Variants in RNF145 observed in about 807,000 individuals in gnomAD.
The protein encoded by RNF145 is ring finger protein 145.
RNF145 carries 12 observed loss-of-function variants against 57.3 expected under a neutral mutation model. That is an observed-to-expected ratio of 0.21 (90% CI 0.13 to 0.34). RNF145 has a LOEUF of 0.34. Among genes scored for constraint, RNF145 ranks in the 10% least tolerant of loss-of-function variants. The pLI is 1.00. For synonymous variants in RNF145, 262 were observed against 288.3 expected, an observed-to-expected ratio of 0.91 and a Z score of 0.92; for missense variants, 429 against 799.0, an observed-to-expected ratio of 0.54 and a Z score of 5.58.
intron 4 of RNF145, among the ~76,000 whole-genome samples, chr5:159,179,794 A>G (rs549157029): frequency 6.6e-6 from 1 of 152,192 alleles, no homozygotes; most frequent in South Asian, 2.1e-4. Context: ...TCCACTCTGT[A>G]GAGATTAGTG....
At chr5:159,175,814 C>T (rs1784703666) in intron 5 of RNF145, among the ~76,000 whole-genome samples, 1 of 152,194 alleles carries the variant, frequency 6.6e-6, no homozygotes, top group African/African-American at 2.4e-5. Flanking sequence ...TTTGTTCTAT[C>T]TGAGAGCTTC....
intron 9 of RNF145, 80 bp downstream of exon 9, chr5:159,162,852 T>C (rs1784275398): frequency 1.7e-5 from 19 of 1,134,624 alleles, no homozygotes; most frequent in Admixed American, 5.2e-5. Context: ...ATCATTCATC[T>C]TGAAAAAATT....
At chr5:159,205,421 T>G (rs1254039963) in intron 1 of RNF145, among the ~76,000 whole-genome samples, 1 of 152,168 alleles carries the variant, frequency 6.6e-6, no homozygotes, top group Non-Finnish European at 1.5e-5. Context: ...GCCCATGATA[T>G]TATTATTTTT....
At chr5:159,200,021 G>C (rs1785607541) in intron 2 of RNF145, among the ~76,000 whole-genome samples, 1 of 152,036 alleles carries the variant, frequency 6.6e-6, no homozygotes, top group Non-Finnish European at 1.5e-5. Flanking sequence ...CAATAAAAAA[G>C]ATAAAATACC....
At chr5:159,159,476 A>C (rs752354650) in intron 10 of RNF145, among the ~76,000 whole-genome samples, 39 of 152,248 alleles carry the variant, frequency 2.6e-4, no homozygotes, top group Non-Finnish European at 4.8e-4. Context: ...TTATTGGCAA[A>C]GAGACAAAAT....
chr5:159,191,387 C>A (rs1785284605), intron 3 of RNF145, among the ~76,000 whole-genome samples: 1 of 152,054 alleles, frequency 6.6e-6, no homozygotes, highest in African/African-American at 2.4e-5. Context: ...AGCTGTTTGC[C>A]TACTTCCTTT....
intron 6 of RNF145, among the ~76,000 whole-genome samples, chr5:159,172,525 A>C (rs889879706): frequency 5.3e-5 from 8 of 152,122 alleles, no homozygotes; most frequent in African/African-American, 1.7e-4. Flanking sequence ...CTTATATCAA[A>C]AACAAATAGC....
intron 2 of RNF145, 125 bp downstream of exon 2, chr5:159,203,296 ATTCATAAACACTC>A (rs1785736976): frequency 3.2e-6 from 2 of 623,582 alleles, no homozygotes; most frequent in Non-Finnish European, 5.7e-6. Flanking sequence ...AACTATCAAG[ATTCATAAACACTC>A]ATCAATAACT....
intron 8 of RNF145, among the ~76,000 whole-genome samples, chr5:159,164,732 TG>T (rs1435078451): frequency 6.6e-6 from 1 of 152,218 alleles, no homozygotes; most frequent in Non-Finnish European, 1.5e-5. Context: ...GTTTGCCTTT[TG>T]AAAATTTGCT....
chr5:159,187,390 C>T (rs537352506), intron 3 of RNF145, among the ~76,000 whole-genome samples: 1 of 151,672 alleles, frequency 6.6e-6, no homozygotes, highest in African/African-American at 2.4e-5. Context: ...TGGAATGGCA[C>T]GATCTCAGCT....
chr5:159,167,443 TG>T (rs1352196542), intron 8 of RNF145, among the ~76,000 whole-genome samples: 1 of 152,234 alleles, frequency 6.6e-6, no homozygotes, highest in Admixed American at 6.5e-5. Flanking sequence ...TTCAGTATCC[TG>T]GGAAGACCCA....
At chr5:159,203,033 G>GT (rs1478667476) in intron 2 of RNF145, among the ~76,000 whole-genome samples, 2 of 151,472 alleles carry the variant, frequency 1.3e-5, no homozygotes, top group Non-Finnish European at 2.9e-5. Context: ...TGATGTTAAT[G>GT]TTTTCGTTTA....
Position 159,169,663 on chromosome 5 carries a change from C to A in RNF145, c.938+16G>T. Reference sequence around the variant, plus strand: ...TAGTATTTACATTTCTAGATATAATCAAGGAAAGAACTTACCGATTCATGG... The same window carrying A: ...TAGTATTTACATTTCTAGATATAATAAAGGAAAGAACTTACCGATTCATGG... On this transcript the variant is annotated intron_variant, in intron 7 of 10. Transcript: ENST00000424310. 6.4e-7 allele frequency: 1 copy of A among 1,562,556 alleles called. No individual in the cohort carries two copies. The highest frequency in any genetic ancestry group is 1.2e-5 in the South Asian group (1 of 83,270).
chr5:159,169,932 C>A (rs1784494270), intron 6 of RNF145, 113 bp from the exon 7 acceptor site: 1 of 787,756 alleles, frequency 1.3e-6, no homozygotes, highest in South Asian at 2.4e-5. Flanking sequence ...ATTAAAACAT[C>A]CTAAACCAAA....
In RNF145 at chr5:159,169,096, G is replaced by C. The variant is rs759380755; in HGVS notation, c.939-41C>G. 5.7e-6 allele frequency: 8 copies of C among 1,402,828 alleles called. No homozygotes were observed. The South Asian group carries it at 1.2e-4, about 22-fold the overall frequency. The allele number at this position is 1,402,828 out of a possible 1,614,324, so 86.9% of individuals were successfully genotyped here. A position where few individuals can be genotyped will look rare whatever the true frequency, so the allele number is the denominator to read the frequency against. On this transcript the variant is annotated intron_variant, in intron 7 of 10. Transcript: ENST00000424310. The stretch of plus-strand genomic sequence containing the variant: ...ATTTTCAGAAAACATAAAATAATCT[G>C]AATCTCATTTAATTCAAAGAGAAAA...
intron 6 of RNF145, among the ~76,000 whole-genome samples, chr5:159,171,147 T>G (rs1237298338): frequency 6.6e-6 from 1 of 152,210 alleles, no homozygotes; most frequent in African/African-American, 2.4e-5. Flanking sequence ...CCAATCATGG[T>G]GGCTAATAAC....
chr5:159,171,463 T>C (rs539419097), intron 6 of RNF145, among the ~76,000 whole-genome samples: 1 of 152,262 alleles, frequency 6.6e-6, no homozygotes, highest in African/African-American at 2.4e-5. Context: ...TTTTCTCTTA[T>C]TTTAGAAAAA....
intron 3 of RNF145, among the ~76,000 whole-genome samples, chr5:159,184,333 A>G (rs1784991347): frequency 6.6e-6 from 1 of 152,216 alleles, no homozygotes; most frequent in South Asian, 2.1e-4. Context: ...ATTTCACACA[A>G]CAAAATTTCT....
At chr5:159,195,234 C>CCTGAA (rs1390640950) in intron 2 of RNF145, among the ~76,000 whole-genome samples, 3 of 152,250 alleles carry the variant, frequency 2.0e-5, no homozygotes, top group Non-Finnish European at 4.4e-5. Flanking sequence ...TTCTCCAACC[C>CCTGAA]CTGAAGACTC....
Sources: allele counts gnomAD v4.1 joint callset (sites outside exome capture counted in the v4.1 genomes callset), GRCh38; gene constraint gnomAD v4.1.1; transcripts MANE v1.5; gene names NCBI Gene and HGNC (gene_info 2026-07-23, HGNC 2026-07-21).